The following SSBP3 variants were observed in gnomAD, a reference collection of about 807,000 sequenced individuals.
SSBP3 encodes the protein single-stranded DNA-binding protein 3.
SSBP3 carries 5 observed loss-of-function variants against 69.6 expected under a neutral mutation model. The ratio of observed to expected loss-of-function variants is 0.07; its 90% CI spans 0.04 to 0.15. The LOEUF is 0.15. Ranked by LOEUF, SSBP3 falls within the 10% of genes least tolerant of loss-of-function variation. The pLI, the probability that SSBP3 is intolerant of heterozygous loss-of-function variation, is 1.00. For missense variants in SSBP3, 312 were observed against 534.0 expected (o/e 0.58, Z 4.10); for synonymous variants, 196 against 193.4 (o/e 1.01, Z -0.11).
chr1:54,393,242 A>G (rs538029230), intron 4 of SSBP3, among the ~76,000 whole-genome samples: 2 of 152,312 alleles, frequency 1.3e-5, no homozygotes, highest in South Asian at 2.1e-4. Flanking sequence ...TGGAAGCGGC[A>G]TATGTGACTT....
At chr1:54,394,262 G>A (rs544468933) in intron 4 of SSBP3, among the ~76,000 whole-genome samples, 2 of 152,144 alleles carry the variant, frequency 1.3e-5, no homozygotes, top group African/African-American at 2.4e-5. Context: ...TGTTTCTTTA[G>A]CTACTTGAAA....
exon 2 of SSBP3, chr1:54,404,918 G>A (rs1356827780): frequency 6.2e-6 from 10 of 1,612,622 alleles, no homozygotes; most frequent in Admixed American, 5.0e-5. Flanking sequence ...ATTCGTAGAC[G>A]TATAAAGCTA....
intron 10 of SSBP3, 34 bp downstream of exon 10, chr1:54,243,201 C>T: frequency 6.2e-7 from 1 of 1,608,576 alleles, no homozygotes; most frequent in East Asian, 2.2e-5. Flanking sequence ...AAGACCTGGA[C>T]TCTGAGCCAC....
intron 4 of SSBP3, among the ~76,000 whole-genome samples, chr1:54,342,469 T>A (rs972742181): frequency 6.6e-6 from 1 of 152,176 alleles, no homozygotes; most frequent in Non-Finnish European, 1.5e-5. Flanking sequence ...AGGGCAGGTG[T>A]GGGCTCTCTG....
chr1:54,377,999 T>G (rs1647311549), intron 4 of SSBP3, among the ~76,000 whole-genome samples: 1 of 152,112 alleles, frequency 6.6e-6, no homozygotes, highest in African/African-American at 2.4e-5. Context: ...TCACCACAAT[T>G]CTGCTCGGCC....
chr1:54,350,457 T>C (rs551241031), intron 4 of SSBP3, among the ~76,000 whole-genome samples: 5 of 152,336 alleles, frequency 3.3e-5, no homozygotes, highest in Non-Finnish European at 7.3e-5. Flanking sequence ...GTCCTGTTTT[T>C]CTCAAGTGAT....
chr1:54,308,687 G>A (rs1178970582), intron 4 of SSBP3, among the ~76,000 whole-genome samples: 5 of 151,420 alleles, frequency 3.3e-5, no homozygotes, highest in African/African-American at 9.7e-5. Flanking sequence ...AGAATCACTC[G>A]AACCCAGAAG....
intron 3 of SSBP3, among the ~76,000 whole-genome samples, chr1:54,403,203 T>A (rs1231268534): frequency 6.6e-6 from 1 of 152,158 alleles, no homozygotes; most frequent in Non-Finnish European, 1.5e-5. Flanking sequence ...GCGGCTGAGA[T>A]AAGGATGGAG....
chr1:54,347,540 G>T (rs533378098), intron 4 of SSBP3, among the ~76,000 whole-genome samples: 1 of 152,264 alleles, frequency 6.6e-6, no homozygotes, highest in East Asian at 1.9e-4. Flanking sequence ...GAATATTTTT[G>T]ATTACTGAAT....
At position 54,240,965 on chromosome 1, in the gene SSBP3, G is replaced by T. The variant is rs762352386; in HGVS notation, c.802-6C>A. The T allele has an allele frequency of 6.2e-7, 1 of 1,607,456 alleles. No individual in the cohort carries two copies. Among genetic ancestry groups the T allele is most frequent in the Non-Finnish European group, 8.5e-7 (1 of 1,176,844 alleles). Reference sequence around the variant, plus strand: ...CCGCCACCACCAGGGGGTCCCTAAAGATGAGACAAAACTGACATCAGACAC... The same window carrying T: ...CCGCCACCACCAGGGGGTCCCTAAATATGAGACAAAACTGACATCAGACAC... On this transcript the variant is annotated splice_polypyrimidine_tract_variant and splice_region_variant and intron_variant, in intron 12 of 17. Coordinates refer to ENST00000610401, the Ensembl canonical transcript of SSBP3.
At chr1:54,392,922 G>C (rs952298662) in intron 4 of SSBP3, among the ~76,000 whole-genome samples, 1 of 152,212 alleles carries the variant, frequency 6.6e-6, no homozygotes, top group Non-Finnish European at 1.5e-5. Context: ...AAACAGAAGA[G>C]GGATGTCTTC....
chr1:54,380,870 T>C (rs1281891606), intron 4 of SSBP3, among the ~76,000 whole-genome samples: 3 of 151,760 alleles, frequency 2.0e-5, no homozygotes, highest in Admixed American at 6.6e-5. Context: ...CCTGTAATCC[T>C]AGCACTTTGG....
intron 4 of SSBP3, among the ~76,000 whole-genome samples, chr1:54,336,859 C>T (rs180943914): frequency 9.2e-5 from 14 of 152,274 alleles, no homozygotes; most frequent in Admixed American, 7.2e-4. Flanking sequence ...GTGGTAACCA[C>T]CCTGAATAGC....
Position 54,295,123 on chromosome 1 carries a change from A to C in SSBP3, c.277-13596T>G, listed in dbSNP as rs139225930. On this transcript the variant is annotated intron_variant, in intron 4 of 17. Transcript: ENST00000610401. ...CTCCCCGTCCCTTCCTCAGTCCCTC[A>C]CTTGACATGAAATGAAACTTGAGAG... 1.8e-3 allele frequency among the ~76,000 whole-genome samples: 272 copies of C among 151,986 alleles called. 1 individual carries two copies. The highest frequency in any genetic ancestry group is 6.2e-3 in the African/African-American group (257 of 41,450).
rs532652985 is a variant in SSBP3, at chr1:54,267,446, G to C, written c.367-9297C>G. On this transcript the variant is annotated intron_variant, in intron 5 of 17. Transcript: ENST00000610401. ...AGCTCCAGACTGGCCAGTGAGACCA[G>C]GGTGCAACACTTTAATAGAGGCAGA... Among the ~76,000 whole-genome samples, 3 of 152,350 alleles carry C rather than the reference G, an allele frequency of 2.0e-5. No homozygotes were observed. In the East Asian group the frequency reaches 5.8e-4, roughly 29 times the overall value.
At chr1:54,315,600 T>TAAAA (rs552733178) in intron 4 of SSBP3, among the ~76,000 whole-genome samples, 1 of 136,256 alleles carries the variant, frequency 7.3e-6, no homozygotes, top group South Asian at 2.4e-4. Flanking sequence ...TTTTTTAATT[T>TAAAA]AAAAAAAAAA....
chr1:54,225,580 A>G (rs998361285), exon 18 of SSBP3: 7 of 514,074 alleles, frequency 1.4e-5, no homozygotes, highest in African/African-American at 9.9e-5. Context: ...AATGTTCCCA[A>G]TAATCCGCAC....
intron 5 of SSBP3, among the ~76,000 whole-genome samples, chr1:54,271,046 A>G (rs571454968): frequency 5.3e-5 from 8 of 152,290 alleles, no homozygotes; most frequent in Admixed American, 4.6e-4. Context: ...GCTGGTCAAC[A>G]CGGATCCTGA....
At chr1:54,297,663 A>G (rs1645725736) in intron 4 of SSBP3, among the ~76,000 whole-genome samples, 1 of 152,174 alleles carries the variant, frequency 6.6e-6, no homozygotes, top group African/African-American at 2.4e-5. Flanking sequence ...TGAGAACAGA[A>G]GGGCAACGCC....
Sources: allele counts gnomAD v4.1 joint callset (sites outside exome capture counted in the v4.1 genomes callset), GRCh38; gene constraint gnomAD v4.1.1; transcripts MANE v1.5; gene names NCBI Gene and HGNC (gene_info 2026-07-23, HGNC 2026-07-21).